PCDHA1: variants seen among roughly 807,000 people sequenced by gnomAD.
PCDHA1 encodes the protein protocadherin alpha 1.
Under a neutral mutation model 61.3 loss-of-function variants are expected in PCDHA1, and 42 were observed. That is an observed-to-expected ratio of 0.69 (90% CI 0.54 to 0.89). The LOEUF (loss-of-function observed/expected upper bound fraction) is 0.89, where lower values mean the gene tolerates loss of function less well. Among genes scored for constraint, PCDHA1 ranks in the 40% least tolerant of loss-of-function variants. The pLI is 0.00. For synonymous variants in PCDHA1, 610 were observed against 553.8 expected, an observed-to-expected ratio of 1.10 and a Z score of -1.43; for missense variants, 1,256 against 1,235.3, an observed-to-expected ratio of 1.02 and a Z score of -0.25.
chr5:140,971,845 G>A (rs370364575), intron 1 of PCDHA1, among the ~76,000 whole-genome samples: 4 of 152,052 alleles, frequency 2.6e-5, no homozygotes, highest in Admixed American at 6.5e-5. Context: ...CAAGTCATGC[G>A]TTAAATATTT....
rs2150150288 is a variant in PCDHA1 at position 140,828,039 on chromosome 5, T to G, written c.2394+39355T>G. 212 of 1,539,464 alleles carry G rather than the reference T, an allele frequency of 1.4e-4. 1 individual carries two copies. Among genetic ancestry groups the G allele is most frequent in the Non-Finnish European group, 1.8e-4 (207 of 1,145,996 alleles). ...TAATAAATTCCGGAACATACAGTAT[T>G]TTATCTTTATGCGGAAGATCTTCTA... On this transcript the variant is annotated intron_variant, in intron 1 of 3. Coordinates refer to ENST00000504120, the MANE Select transcript of PCDHA1 (RefSeq NM_018900.4).
chr5:140,852,196 G>A lies in PCDHA1; in HGVS notation c.2394+63512G>A, dbSNP rs2150513230. The A allele has an allele frequency of 3.1e-5, 22 of 707,012 alleles. 1 individual carries two copies. The highest frequency in any genetic ancestry group is 1.9e-4 in the African/African-American group (10 of 51,666). The allele number at this position is 707,012 out of a possible 1,614,324, so 43.8% of individuals were successfully genotyped here. On this transcript the variant is annotated intron_variant, in intron 1 of 3. Transcript: ENST00000504120. ...AAATAACTATGAAAATGCCAGTAAC[G>A]TTTATTTAAAACAAAATATTTTAAT... is the stretch of plus-strand genomic sequence containing the variant.
Position 140,788,657 on chromosome 5 carries a change from A to G in PCDHA1, c.2367A>G (p.Pro789=), listed in dbSNP as rs782029210. 1 of 1,579,420 alleles carries G rather than the reference A, an allele frequency of 6.3e-7. No individual in the cohort carries two copies. The highest frequency in any genetic ancestry group is 8.6e-7 in the Non-Finnish European group (1 of 1,162,580). ...ACACGTCAGAAAGAAATGAACAACC[A>G]GAAGCAAATTTGGATCTTTCTGGTA... ...SLNTSERNEQ[P]EANLDLSGNP... is the part of the protein sequence containing the mutation. Residue 789 remains proline (P), a synonymous_variant, in exon 1 of 4, where the codon CCA becomes CCG. Coordinates refer to ENST00000504120, the MANE Select transcript of PCDHA1 (RefSeq NM_018900.4).
Position 141,010,339 on chromosome 5 carries a change from A to C in PCDHA1, c.*402A>C. ...TTGAGCAGCTTGGGAGTTTGTGGCCACTGGGTATGTGTGGCTACCGCGGGT... is the reference window on the plus strand; with the variant it reads ...TTGAGCAGCTTGGGAGTTTGTGGCCCCTGGGTATGTGTGGCTACCGCGGGT... On this transcript the variant is annotated 3_prime_UTR_variant, in exon 4 of 4. Coordinates refer to ENST00000504120, the MANE Select transcript of PCDHA1 (RefSeq NM_018900.4). 6.5e-7 allele frequency: 1 copy of C among 1,534,060 alleles called. No homozygotes were observed. The highest frequency in any genetic ancestry group is 8.8e-7 in the Non-Finnish European group (1 of 1,140,682).
At chr5:140,849,777 C>T (rs2150449616) in intron 1 of PCDHA1, 2 of 1,598,440 alleles carry the variant, frequency 1.3e-6, no homozygotes, top group Non-Finnish European at 1.7e-6. Flanking sequence ...GGTTACCGCG[C>T]GGGACGGGGG....
chr5:140,892,507 C>T (rs1261497068), intron 1 of PCDHA1, among the ~76,000 whole-genome samples: 1 of 152,162 alleles, frequency 6.6e-6, no homozygotes, highest in Non-Finnish European at 1.5e-5. Context: ...TTAAGAAGTT[C>T]CACCATGACT....
At chr5:140,842,886 C>A in intron 1 of PCDHA1, 1 of 1,594,202 alleles carries the variant, frequency 6.3e-7, no homozygotes, top group East Asian at 2.2e-5. Context: ...GCGCTGCAGC[C>A]GCTGGACCAC....
intron 1 of PCDHA1, chr5:140,883,444 T>C: frequency 3.1e-6 from 5 of 1,614,170 alleles, no homozygotes; most frequent in Non-Finnish European, 4.2e-6. Context: ...TGACGCCGCA[T>C]GTCCCCTTCA....
chr5:140,800,713 C>T (rs559801847), intron 1 of PCDHA1, among the ~76,000 whole-genome samples: 11 of 152,188 alleles, frequency 7.2e-5, no homozygotes, highest in African/African-American at 1.9e-4. Context: ...GATAATTTAA[C>T]GGGATAATTC....
intron 3 of PCDHA1, among the ~76,000 whole-genome samples, chr5:141,007,925 G>T (rs2098351885): frequency 1.3e-5 from 2 of 152,138 alleles, no homozygotes; most frequent in South Asian, 4.2e-4. Context: ...ATATAAGCTG[G>T]AATTCTAAGC....
At chr5:140,811,070 A>G (rs1554125659) in intron 1 of PCDHA1, 1 of 152,168 alleles carries the variant, frequency 6.6e-6, no homozygotes, top group Admixed American at 6.5e-5. Context: ...GGTTTGTTAC[A>G]TAGGTATACA....
intron 3 of PCDHA1, among the ~76,000 whole-genome samples, chr5:141,005,701 C>CAA (rs59860837): frequency 0.061 from 476 of 7,774 alleles, 114 homozygotes; most frequent in African/African-American, 0.16. Flanking sequence ...AACTCCGTCT[C>CAA]AAAAAAAAAA....
rs2150133242 is a variant in PCDHA1, at chr5:140,824,221, T to C, written c.2394+35537T>C. 5 of 1,560,374 alleles carry C rather than the reference T, an allele frequency of 3.2e-6. No homozygotes were observed. The Admixed American group carries it at 8.4e-5, about 26-fold the overall frequency. ...ACTTTTTTTGTATTTAAAAATTATG[T>C]CTTAGTACACAAATATTGTGGTACA... On this transcript the variant is annotated intron_variant, in intron 1 of 3. Transcript: ENST00000504120.
At chr5:140,997,116 C>A (rs1554255739) in intron 3 of PCDHA1, among the ~76,000 whole-genome samples, 1 of 152,054 alleles carries the variant, frequency 6.6e-6, no homozygotes, top group Non-Finnish European at 1.5e-5. Context: ...CCTGCTCTCC[C>A]ACATACACAA....
At chr5:140,793,167 A>G (rs782236525) in intron 1 of PCDHA1, among the ~76,000 whole-genome samples, 1 of 152,232 alleles carries the variant, frequency 6.6e-6, no homozygotes, top group Non-Finnish European at 1.5e-5. Flanking sequence ...TTAGTCTAGA[A>G]AGCTACTTTG....
chr5:140,966,962 G>A (rs370831122), intron 1 of PCDHA1: 1 of 1,602,750 alleles, frequency 6.2e-7, no homozygotes, highest in Non-Finnish European at 8.5e-7. Context: ...TCGCGCGCTG[G>A]GGCTTGAGCT....
At chr5:140,975,779 A>G (rs1439511378) in intron 1 of PCDHA1, among the ~76,000 whole-genome samples, 1 of 152,118 alleles carries the variant, frequency 6.6e-6, no homozygotes, top group Non-Finnish European at 1.5e-5. Context: ...TAATACCATT[A>G]CAAGATAAAT....
intron 1 of PCDHA1, among the ~76,000 whole-genome samples, chr5:140,934,050 C>G (rs558726288): frequency 6.6e-6 from 1 of 151,834 alleles, no homozygotes; most frequent in African/African-American, 2.4e-5. Flanking sequence ...TTAGTCTTTC[C>G]AAGGCTAACT....
chr5:140,925,668 A>G (rs1215540778), intron 1 of PCDHA1, among the ~76,000 whole-genome samples: 1 of 149,482 alleles, frequency 6.7e-6, no homozygotes, highest in Admixed American at 6.7e-5. Context: ...TAATAATAAT[A>G]ATAATAATAA....
Sources: allele counts gnomAD v4.1 joint callset (sites outside exome capture counted in the v4.1 genomes callset), GRCh38; gene constraint gnomAD v4.1.1; transcripts MANE v1.5; gene names NCBI Gene and HGNC (gene_info 2026-07-23, HGNC 2026-07-21).